Variants in TRPC5 observed in about 807,000 individuals in gnomAD.
TRPC5 encodes short transient receptor potential channel 5.
Under a neutral mutation model 56.5 loss-of-function variants are expected in TRPC5, and 9 were observed. The observed-to-expected ratio is 0.16, with a 90% CI of 0.10 to 0.28. The LOEUF (loss-of-function observed/expected upper bound fraction) is 0.28. Ranked by LOEUF, TRPC5 falls within the 10% of genes least tolerant of loss-of-function variation. TRPC5 has a pLI of 1.00. For synonymous variants in TRPC5, 282 were observed against 278.5 expected, an observed-to-expected ratio of 1.01 and a Z score of -0.13; for missense variants, 469 against 748.9, an observed-to-expected ratio of 0.63 and a Z score of 4.36.
Position 111,772,226 on chromosome X carries a change from T to G in TRPC5, c.*4087A>C, listed in dbSNP as rs1945847364. 8.9e-6 allele frequency among the ~76,000 whole-genome samples: 1 copy of G among 111,764 alleles called. No homozygotes were observed. Among genetic ancestry groups the G allele is most frequent in the African/African-American group, 3.2e-5 (1 of 30,795 alleles). On this transcript the variant is annotated 3_prime_UTR_variant, in exon 11 of 11. Transcript: ENST00000262839. ...CAACAAGGTGGATATTTGGAGCAAT[T>G]ATCTAGATAAAGTAAGCCAAAGAAA...
intron 2 of TRPC5, among the ~76,000 whole-genome samples, chrX:111,920,288 A>C (rs1242972115): frequency 9.0e-6 from 1 of 110,978 alleles, no homozygotes; most frequent in East Asian, 2.8e-4. Context: ...AAAACAACAA[A>C]AAAAATGTAT....
chrX:112,029,886 G>T (rs1354818601), intron 1 of TRPC5, among the ~76,000 whole-genome samples: 1 of 107,270 alleles, frequency 9.3e-6, no homozygotes, highest in Non-Finnish European at 1.9e-5. Context: ...GGAGTGCAAT[G>T]GCGCGATCTC....
intron 1 of TRPC5, among the ~76,000 whole-genome samples, chrX:112,006,228 A>G (rs1928841429): frequency 9.0e-6 from 1 of 111,412 alleles, no homozygotes; most frequent in African/African-American, 3.3e-5. Flanking sequence ...GTAGAGGGCC[A>G]TGGCAGGTCA....
At chrX:111,835,139 T>C in intron 6 of TRPC5, 23 bp from the exon 7 acceptor site, 1 of 1,145,188 alleles carries the variant, frequency 8.7e-7, no homozygotes, top group Non-Finnish European at 1.2e-6. Flanking sequence ...AAAGAGCAGG[T>C]TAGTTAATTC....
intron 3 of TRPC5, among the ~76,000 whole-genome samples, chrX:111,860,122 A>C (rs1405349105): frequency 1.8e-5 from 2 of 112,345 alleles, no homozygotes; most frequent in Non-Finnish European, 3.8e-5. Context: ...GTTAGCCAGG[A>C]TGGTCTGAAT....
At chrX:111,982,427 C>T (rs768231828) in intron 1 of TRPC5, among the ~76,000 whole-genome samples, 1 of 111,093 alleles carries the variant, frequency 9.0e-6, no homozygotes, top group Admixed American at 9.6e-5. Flanking sequence ...ACCTTTATTC[C>T]TGAAGGTTCT....
In TRPC5 at chrX:111,781,918, A is replaced by G; in HGVS notation, c.2100+17T>C. On this transcript the variant is annotated intron_variant, in intron 8 of 10. Coordinates refer to ENST00000262839, the MANE Select transcript of TRPC5 (RefSeq NM_012471.3). The stretch of plus-strand genomic sequence containing the variant: ...CTCAATTTTTAAAAATTAAGTTTTC[A>G]AAATTAAAAGTCTTACTGTGAAACT... The G allele has an allele frequency of 3.4e-6, 4 of 1,163,036 alleles. No homozygotes were observed. Among genetic ancestry groups the G allele is most frequent in the Non-Finnish European group, 3.4e-6 (3 of 870,028 alleles).
intron 2 of TRPC5, among the ~76,000 whole-genome samples, chrX:111,939,302 A>G (rs1252216885): frequency 1.8e-5 from 2 of 111,360 alleles, no homozygotes; most frequent in African/African-American, 3.3e-5. Flanking sequence ...GCAGTTTGCT[A>G]GTATTTTGTT....
At chrX:111,842,697 G>A in intron 6 of TRPC5, among the ~76,000 whole-genome samples, 1 of 112,336 alleles carries the variant, frequency 8.9e-6, no homozygotes, top group South Asian at 3.7e-4. Flanking sequence ...ACACCTTGGA[G>A]CAAGGGGCTG....
At chrX:111,893,198 C>T (rs1924894247) in intron 3 of TRPC5, among the ~76,000 whole-genome samples, 2 of 109,816 alleles carry the variant, frequency 1.8e-5, no homozygotes, top group South Asian at 7.8e-4. Context: ...TCTCAGAAAG[C>T]TGAAGAAAGA....
intron 2 of TRPC5, among the ~76,000 whole-genome samples, chrX:111,949,412 T>C (rs1462215424): frequency 9.1e-6 from 1 of 110,090 alleles, no homozygotes. Context: ...ACCCACAGAG[T>C]GGGAAAAAAA....
chrX:112,004,884 C>T (rs1218219599), intron 1 of TRPC5, among the ~76,000 whole-genome samples: 1 of 110,871 alleles, frequency 9.0e-6, no homozygotes, highest in Non-Finnish European at 1.9e-5. Flanking sequence ...CTTTACATTT[C>T]AAGTAATAAG....
chrX:112,031,149 C>T (rs1247696878), intron 1 of TRPC5, among the ~76,000 whole-genome samples: 2 of 111,436 alleles, frequency 1.8e-5, no homozygotes, highest in African/African-American at 6.5e-5. Context: ...AGGGAAATCT[C>T]GATCTTTCTT....
intron 6 of TRPC5, among the ~76,000 whole-genome samples, chrX:111,843,546 G>C (rs1262917210): frequency 2.7e-5 from 3 of 111,460 alleles, no homozygotes; most frequent in Non-Finnish European, 5.6e-5. Context: ...AGGTCTGAAG[G>C]GCTGAGACAC....
intron 1 of TRPC5, among the ~76,000 whole-genome samples, chrX:112,078,887 G>A (rs1020460091): frequency 3.6e-5 from 4 of 111,621 alleles, no homozygotes; most frequent in Admixed American, 2.9e-4. Flanking sequence ...GAAAAGCTTC[G>A]TGAGTTTTAG....
chrX:111,970,779 T>A (rs1419690226), intron 1 of TRPC5, among the ~76,000 whole-genome samples: 1 of 106,147 alleles, frequency 9.4e-6, no homozygotes, highest in Non-Finnish European at 1.9e-5. Context: ...ATTACCGTTT[T>A]TTTTTTTTTT....
At chrX:111,814,330 G>A (rs924372595) in intron 7 of TRPC5, among the ~76,000 whole-genome samples, 1 of 109,557 alleles carries the variant, frequency 9.1e-6, no homozygotes, top group Non-Finnish European at 1.9e-5. Context: ...CCACAAAACA[G>A]TCCACAATCC....
chrX:111,987,407 A>G (rs192366662), intron 1 of TRPC5, among the ~76,000 whole-genome samples: 1 of 111,217 alleles, frequency 9.0e-6, no homozygotes, highest in East Asian at 2.8e-4. Flanking sequence ...TCCAGTACAC[A>G]ATACAATATT....
intron 3 of TRPC5, among the ~76,000 whole-genome samples, chrX:111,866,195 C>T (rs751241022): frequency 2.6e-5 from 3 of 113,697 alleles, no homozygotes; most frequent in African/African-American, 3.2e-5. Flanking sequence ...ATTGGCCTTG[C>T]GGCCAGTGAT....
Sources: allele counts gnomAD v4.1 joint callset (sites outside exome capture counted in the v4.1 genomes callset), GRCh38; gene constraint gnomAD v4.1.1; transcripts MANE v1.5; gene names NCBI Gene and HGNC (gene_info 2026-07-23, HGNC 2026-07-21).